CLCN3: variants seen among roughly 807,000 people sequenced by gnomAD.
CLCN3 encodes H(+)/Cl(-) exchange transporter 3.
In CLCN3, 16 loss-of-function variants were observed where a neutral mutation model predicts 83.4. That is an observed-to-expected ratio of 0.19 (90% CI 0.13 to 0.29). The LOEUF is 0.29. CLCN3 is among the 10% of genes least tolerant of loss of function. The probability of loss-of-function intolerance (pLI) is 1.00; values close to 1 mark genes in which losing one functional copy is unlikely to be tolerated. For missense variants in CLCN3, 544 were observed against 1,006.0 expected (o/e 0.54, Z 6.21); for synonymous variants, 322 against 346.2 (o/e 0.93, Z 0.78).
Position 169,697,352 on chromosome 4 carries a change from T to C in CLCN3, c.1181T>C (p.Ile394Thr), listed in dbSNP as rs1434761944. 6.2e-7 allele frequency: 1 copy of C among 1,614,148 alleles called. No individual in the cohort carries two copies. The highest frequency in any genetic ancestry group is 8.5e-7 in the Non-Finnish European group (1 of 1,180,028). Reference sequence around the variant, plus strand: ...TACCTTTTTGAACTGTTTCCTTTTATTCTTCTAGGGGTATTTGGAGGGCTT... The same window carrying C: ...TACCTTTTTGAACTGTTTCCTTTTACTCTTCTAGGGGTATTTGGAGGGCTT... Reference protein sequence around the residue: ...PWYLFELFPFILLGVFGGLWG... With the variant: ...PWYLFELFPFTLLGVFGGLWG... Residue 394 changes from isoleucine (I) to threonine (T), a missense_variant, in exon 9 of 13, where the codon ATT (isoleucine) becomes ACT (threonine). Coordinates refer to ENST00000513761, the MANE Select transcript of CLCN3 (RefSeq NM_001829.4).
chr4:169,693,379 T>C (rs987879796), intron 7 of CLCN3, among the ~76,000 whole-genome samples: 1 of 152,244 alleles, frequency 6.6e-6, no homozygotes, highest in African/African-American at 2.4e-5. Context: ...TCTGGTACTG[T>C]GGCAGATACT....
At chr4:169,640,021 A>G (rs1290161232) in intron 2 of CLCN3, among the ~76,000 whole-genome samples, 1 of 152,176 alleles carries the variant, frequency 6.6e-6, no homozygotes, top group East Asian at 1.9e-4. Flanking sequence ...GTAAACTCCT[A>G]AATAATAAAG....
rs527936010 is a variant in CLCN3 at position 169,686,695 on chromosome 4, G to A, written c.319-963G>A. Among the ~76,000 whole-genome samples the A allele has an allele frequency of 9.2e-5, 14 of 152,320 alleles. No homozygotes were observed. The East Asian group carries it at 2.7e-3, about 29-fold the overall frequency. On this transcript the variant is annotated intron_variant, in intron 3 of 12. Coordinates refer to ENST00000513761, the MANE Select transcript of CLCN3 (RefSeq NM_001829.4). ...CTCCCAAAGTGCTGGGATTACAAGCGTGAGCCACCACACCTGGCCAAAAAT... is the reference window on the plus strand; with the variant it reads ...CTCCCAAAGTGCTGGGATTACAAGCATGAGCCACCACACCTGGCCAAAAAT...
At chr4:169,662,163 A>G (rs1210064038) in intron 2 of CLCN3, among the ~76,000 whole-genome samples, 3 of 152,190 alleles carry the variant, frequency 2.0e-5, no homozygotes, top group East Asian at 1.9e-4. Context: ...GATATTACCT[A>G]AACGTAAGCT....
At chr4:169,694,830 ACT>A (rs1199547231) in intron 7 of CLCN3, among the ~76,000 whole-genome samples, 14 of 152,078 alleles carry the variant, frequency 9.2e-5, no homozygotes, top group African/African-American at 2.9e-4. Context: ...CAAGAGAGAA[ACT>A]CTGTCTCAAA....
At chr4:169,628,689 A>G (rs1773294624) in intron 1 of CLCN3, among the ~76,000 whole-genome samples, 1 of 152,244 alleles carries the variant, frequency 6.6e-6, no homozygotes, top group East Asian at 1.9e-4. Context: ...TCACTCATAC[A>G]TTGTTGGTAG....
chr4:169,632,033 A>AG (rs1490010886), intron 1 of CLCN3, among the ~76,000 whole-genome samples: 1 of 152,220 alleles, frequency 6.6e-6, no homozygotes, highest in Non-Finnish European at 1.5e-5. Context: ...ACTCCAAAAA[A>AG]TGAGGAGGGG....
chr4:169,706,733 G>A, intron 10 of CLCN3, 135 bp from the exon 11 acceptor site: 2 of 662,232 alleles, frequency 3.0e-6, no homozygotes, highest in Non-Finnish European at 5.3e-6. Flanking sequence ...AGGAGTAGCA[G>A]TTTTAGATGC....
chr4:169,720,103 A>G lies in CLCN3; in HGVS notation c.*106A>G, dbSNP rs775793286. On this transcript the variant is annotated 3_prime_UTR_variant, in exon 13 of 13. Coordinates refer to ENST00000513761, the MANE Select transcript of CLCN3 (RefSeq NM_001829.4). ...ATCTACTTTTTTTTCCTCCTTTACA[A>G]AAAAAGAAAGGAAATATAAAAGCCG... is the stretch of plus-strand genomic sequence containing the variant. The G allele has an allele frequency of 6.6e-7, 1 of 1,522,560 alleles. No individual in the cohort carries two copies. Among genetic ancestry groups the G allele is most frequent in the South Asian group, 1.3e-5 (1 of 79,232 alleles). 94.3% of individuals were successfully genotyped at this position (1,522,560 alleles called of 1,614,324 possible). A position where few individuals can be genotyped will look rare whatever the true frequency, so the allele number is the denominator to read the frequency against.
chr4:169,715,278 T>G (rs1733381410), intron 12 of CLCN3, among the ~76,000 whole-genome samples: 1 of 152,066 alleles, frequency 6.6e-6, no homozygotes, highest in East Asian at 1.9e-4. Context: ...GAGGGGTGGA[T>G]AGCTAATTAA....
In CLCN3 at chr4:169,723,227, T is replaced by A. The variant is rs1733694137; in HGVS notation, c.*3230T>A. 1 of 152,196 alleles carries A rather than the reference T, an allele frequency of 6.6e-6. No homozygotes were observed. The highest frequency in any genetic ancestry group is 1.9e-4 in the East Asian group (1 of 5,206). The allele number at this position is 152,196 out of a possible 1,614,324, so 9.4% of individuals were successfully genotyped here. On this transcript the variant is annotated 3_prime_UTR_variant, in exon 13 of 13. Transcript: ENST00000513761. ...TAATTATATCTGTAACAGTCCTCCC[T>A]CTTCACTGCTGCCCTACGCAGTGTA...
At chr4:169,710,660 AT>A (rs1057274623) in intron 11 of CLCN3, among the ~76,000 whole-genome samples, 5 of 152,204 alleles carry the variant, frequency 3.3e-5, no homozygotes, top group Non-Finnish European at 5.9e-5. Context: ...CCATTAAATA[AT>A]TTTTTAAACA....
At chr4:169,682,899 A>G (rs1560855864) in intron 3 of CLCN3, among the ~76,000 whole-genome samples, 1 of 152,160 alleles carries the variant, frequency 6.6e-6, no homozygotes, top group Non-Finnish European at 1.5e-5. Context: ...AAGGCACATA[A>G]TGTCTTGTAT....
chr4:169,639,865 T>C lies in CLCN3; in HGVS notation c.160+3777T>C, dbSNP rs1016045248. Among the ~76,000 whole-genome samples, 4 of 152,182 alleles carry C rather than the reference T, an allele frequency of 2.6e-5. No homozygotes were observed. In the East Asian group the frequency reaches 7.7e-4, roughly 29 times the overall value. On this transcript the variant is annotated intron_variant, in intron 2 of 12. Coordinates refer to ENST00000513761, the MANE Select transcript of CLCN3 (RefSeq NM_001829.4). ...TACTGATAGTGTTTTTTTGAATATG[T>C]GTTGAATGAAAATCCATGATGTTCA...
At chr4:169,678,604 G>A (rs999830035) in intron 2 of CLCN3, among the ~76,000 whole-genome samples, 10 of 152,030 alleles carry the variant, frequency 6.6e-5, no homozygotes, top group Non-Finnish European at 1.5e-4. Context: ...CTTGAGATTA[G>A]GGAGTGGTGA....
intron 2 of CLCN3, among the ~76,000 whole-genome samples, chr4:169,649,564 T>A (rs1442957774): frequency 1.3e-5 from 2 of 152,182 alleles, no homozygotes; most frequent in African/African-American, 4.8e-5. Context: ...ACTGATTGTT[T>A]TGATGTAGAA....
At chr4:169,711,169 CT>C (rs1383478045) in intron 11 of CLCN3, among the ~76,000 whole-genome samples, 1 of 152,176 alleles carries the variant, frequency 6.6e-6, no homozygotes, top group Non-Finnish European at 1.5e-5. Context: ...ACATTTTATA[CT>C]ATTGATGTCA....
At chr4:169,632,740 A>AC (rs1773408385) in intron 1 of CLCN3, among the ~76,000 whole-genome samples, 1 of 150,774 alleles carries the variant, frequency 6.6e-6, no homozygotes, top group Non-Finnish European at 1.5e-5. Context: ...AAAAAAAAAA[A>AC]AAGTGCTGGG....
intron 2 of CLCN3, among the ~76,000 whole-genome samples, chr4:169,677,981 A>G (rs1003346615): frequency 2.3e-4 from 35 of 152,238 alleles, no homozygotes; most frequent in African/African-American, 8.0e-4. Context: ...AACATGTGTC[A>G]AAGATTTATT....
Sources: allele counts gnomAD v4.1 joint callset (sites outside exome capture counted in the v4.1 genomes callset), GRCh38; gene constraint gnomAD v4.1.1; transcripts MANE v1.5; gene names NCBI Gene and HGNC (gene_info 2026-07-23, HGNC 2026-07-21).